The following SPSB4 variants were observed in gnomAD, a reference collection of about 807,000 sequenced individuals.
SPSB4 encodes splA/ryanodine receptor domain and SOCS box containing 4, also known as SPRY domain-containing SOCS box protein 4.
SPSB4 carries 21 observed loss-of-function variants against 20.9 expected under a neutral mutation model. The observed-to-expected ratio is 1.01, with a 90% confidence interval of 0.71 to 1.45. SPSB4 has a LOEUF of 1.45. SPSB4 is among the 40% of genes most tolerant of loss of function. SPSB4 has a pLI of 0.00. For missense variants in SPSB4, 399 were observed against 399.2 expected (o/e 1.00, Z 0.00); for synonymous variants, 207 against 183.8 (o/e 1.13, Z -1.02).
chr3:141,128,802 A>G (rs377489066), intron 2 of SPSB4, among the ~76,000 whole-genome samples: 4 of 152,296 alleles, frequency 2.6e-5, no homozygotes, highest in African/African-American at 9.6e-5. Flanking sequence ...GCTTCTAGAA[A>G]GAGGTTCTAC....
At chr3:141,101,664 A>G (rs1160580457) in intron 2 of SPSB4, among the ~76,000 whole-genome samples, 2 of 152,252 alleles carry the variant, frequency 1.3e-5, no homozygotes, top group Non-Finnish European at 2.9e-5. Context: ...GATCACCATC[A>G]GATGGCTCTT....
intron 2 of SPSB4, among the ~76,000 whole-genome samples, chr3:141,122,952 C>G (rs1436419730): frequency 6.6e-6 from 1 of 152,242 alleles, no homozygotes; most frequent in Non-Finnish European, 1.5e-5. Context: ...GCTGCACGCA[C>G]TGTCCAACCA....
At chr3:141,141,821 G>A (rs749668115) in intron 2 of SPSB4, among the ~76,000 whole-genome samples, 2 of 152,070 alleles carry the variant, frequency 1.3e-5, no homozygotes, top group Non-Finnish European at 2.9e-5. Context: ...AAATTTTCTA[G>A]TTTGTATGTG....
At chr3:141,103,181 C>T (rs982235501) in intron 2 of SPSB4, among the ~76,000 whole-genome samples, 1 of 152,200 alleles carries the variant, frequency 6.6e-6, no homozygotes. Flanking sequence ...AGCCATGTCC[C>T]CCTCTGAGCT....
intron 2 of SPSB4, among the ~76,000 whole-genome samples, chr3:141,120,858 T>G (rs1938954955): frequency 6.6e-6 from 1 of 152,312 alleles, no homozygotes; most frequent in Admixed American, 6.5e-5. Context: ...GTCTTGACTC[T>G]TTATCCAATT....
At chr3:141,072,629 C>A (rs1170210472) in intron 2 of SPSB4, among the ~76,000 whole-genome samples, 1 of 152,194 alleles carries the variant, frequency 6.6e-6, no homozygotes, top group Non-Finnish European at 1.5e-5. Flanking sequence ...GTTTGTACAG[C>A]CTGCAGAGCC....
intron 2 of SPSB4, among the ~76,000 whole-genome samples, chr3:141,134,071 T>TTTTTTTTTTTTTTTTA (rs1939187139): frequency 6.9e-6 from 1 of 145,360 alleles, no homozygotes. Context: ...TTTTTTTTTT[T>TTTTTTTTTTTTTTTTA]TTTTGCAGCT....
intron 2 of SPSB4, among the ~76,000 whole-genome samples, chr3:141,141,360 C>G (rs1465358599): frequency 6.6e-6 from 1 of 152,186 alleles, no homozygotes; most frequent in Non-Finnish European, 1.5e-5. Flanking sequence ...TCCGGCACTC[C>G]CCTGTGAGAT....
rs776269750 is a variant in SPSB4, at chr3:141,132,202, C to T, written c.695-14940C>T. The T allele has an allele frequency of 3.2e-5, 14 of 434,020 alleles. No individual in the cohort carries two copies. In the East Asian group the frequency reaches 3.4e-4, roughly 11 times the overall value. The allele number at this position is 434,020 out of a possible 1,614,324, so 26.9% of individuals were successfully genotyped here. A position where few individuals can be genotyped will look rare whatever the true frequency, so the allele number is the denominator to read the frequency against. On this transcript the variant is annotated intron_variant, in intron 2 of 2. Transcript: ENST00000310546. ...TTTTTTTTTGAGATGGAGTCTCACTCGGTTGCCCTGGCCAAAGTGCAGTGG... is the reference window on the plus strand; with the variant it reads ...TTTTTTTTTGAGATGGAGTCTCACTTGGTTGCCCTGGCCAAAGTGCAGTGG...
intron 2 of SPSB4, among the ~76,000 whole-genome samples, chr3:141,069,728 A>G (rs959726938): frequency 6.6e-6 from 1 of 152,136 alleles, no homozygotes; most frequent in Admixed American, 6.5e-5. Context: ...TGAGGATGAT[A>G]AAGCTCACCG....
chr3:141,128,672 T>C (rs985981056), intron 2 of SPSB4, among the ~76,000 whole-genome samples: 1 of 151,444 alleles, frequency 6.6e-6, no homozygotes, highest in African/African-American at 2.4e-5. Flanking sequence ...CAGTTTTCTG[T>C]ATGTGGAGTG....
Position 141,052,352 on chromosome 3 carries a change from G to T in SPSB4, c.-154+360G>T, listed in dbSNP as rs116157023. On this transcript the variant is annotated intron_variant, in intron 1 of 2. Coordinates refer to ENST00000310546, the MANE Select transcript of SPSB4 (RefSeq NM_080862.3). ...ACCTGTTTCCTCATCCGTAGGATGG[G>T]AATGATAATTGTGCACATTTTATAG... is the stretch of plus-strand genomic sequence containing the variant. Among the ~76,000 whole-genome samples the T allele has an allele frequency of 6.4e-4, 98 of 152,344 alleles. 1 individual carries two copies. The highest frequency in any genetic ancestry group is 2.3e-3 in the African/African-American group (94 of 41,578).
chr3:141,096,917 GA>G (rs1938554546), intron 2 of SPSB4, among the ~76,000 whole-genome samples: 1 of 152,144 alleles, frequency 6.6e-6, no homozygotes, highest in Non-Finnish European at 1.5e-5. Context: ...CCCCATGGTT[GA>G]AATGGGCCCA....
At chr3:141,075,184 G>GTGA (rs1344449544) in intron 2 of SPSB4, among the ~76,000 whole-genome samples, 4 of 151,578 alleles carry the variant, frequency 2.6e-5, no homozygotes, top group African/African-American at 9.7e-5. Context: ...TAGGAGGAGA[G>GTGA]TGATTAGGGC....
intron 2 of SPSB4, among the ~76,000 whole-genome samples, chr3:141,084,969 G>A (rs1419825547): frequency 6.6e-6 from 1 of 152,226 alleles, no homozygotes; most frequent in African/African-American, 2.4e-5. Flanking sequence ...TTGTAATTGA[G>A]CAGGAAGGCC....
chr3:141,072,250 C>T (rs1008245467), intron 2 of SPSB4, among the ~76,000 whole-genome samples: 1 of 152,254 alleles, frequency 6.6e-6, no homozygotes, highest in Non-Finnish European at 1.5e-5. Context: ...TGAAGTTCCT[C>T]AGGGCAGGGA....
chr3:141,065,955 C>A lies in SPSB4; in HGVS notation c.-150C>A. 1.5e-6 allele frequency: 1 copy of A among 667,808 alleles called. No individual in the cohort carries two copies. Among genetic ancestry groups the A allele is most frequent in the Non-Finnish European group, 2.4e-6 (1 of 424,530 alleles). The allele number at this position is 667,808 out of a possible 1,614,324, so 41.4% of individuals were successfully genotyped here. ...CGTGCCCTTTGCTTCCTTCCAGGAGCTTGGGCCCCTGCCGCAGCCCGGTAG... is the reference window on the plus strand; with the variant it reads ...CGTGCCCTTTGCTTCCTTCCAGGAGATTGGGCCCCTGCCGCAGCCCGGTAG... On this transcript the variant is annotated 5_prime_UTR_variant, in exon 2 of 3. Coordinates refer to ENST00000310546, the MANE Select transcript of SPSB4 (RefSeq NM_080862.3).
intron 2 of SPSB4, among the ~76,000 whole-genome samples, chr3:141,129,755 G>A (rs1939105692): frequency 6.6e-6 from 1 of 152,214 alleles, no homozygotes; most frequent in African/African-American, 2.4e-5. Context: ...AGCACTCCCT[G>A]TTCTGGGTTG....
intron 1 of SPSB4, among the ~76,000 whole-genome samples, chr3:141,054,951 C>T (rs1001478674): frequency 1.3e-4 from 17 of 134,810 alleles, no homozygotes; most frequent in Admixed American, 2.3e-4. Context: ...GGCAACAGAG[C>T]GAGACTCCGT....
Sources: allele counts gnomAD v4.1 joint callset (sites outside exome capture counted in the v4.1 genomes callset), GRCh38; gene constraint gnomAD v4.1.1; transcripts MANE v1.5; gene names NCBI Gene and HGNC (gene_info 2026-07-23, HGNC 2026-07-21).